BRD9: variants seen among roughly 807,000 people sequenced by gnomAD.
The protein encoded by BRD9 is bromodomain containing 9, also known as bromodomain-containing protein 9.
A neutral mutation model predicts 68.7 loss-of-function variants in BRD9; 47 were observed. The observed-to-expected ratio is 0.68, with a 90% confidence interval of 0.54 to 0.87. BRD9 has a LOEUF of 0.87. Ranked by LOEUF, BRD9 falls within the 40% of genes least tolerant of loss-of-function variation. BRD9 has a pLI of 0.00. For synonymous variants in BRD9, 313 were observed against 293.9 expected, an observed-to-expected ratio of 1.06 and a Z score of -0.67; for missense variants, 670 against 748.4, an observed-to-expected ratio of 0.90 and a Z score of 1.22.
At position 883,995 on chromosome 5, in the gene BRD9, C is replaced by T. The variant is rs1752190088; in HGVS notation, c.909G>A (p.Val303=). Residue 303 remains valine, a synonymous_variant, in exon 8 of 16, where the codon GTG becomes GTA. Coordinates refer to ENST00000467963, the MANE Select transcript of BRD9 (RefSeq NM_023924.5). ...STAEEHVLAL[V]EHAADEARDR... is the part of the protein sequence containing the mutation. ...CCCGAGCTTCGTCAGCTGCGTGCTCCACCAGCGCCAGCACGTGCTCCTCTG... is the reference window on the plus strand; with the variant it reads ...CCCGAGCTTCGTCAGCTGCGTGCTCTACCAGCGCCAGCACGTGCTCCTCTG... 6.2e-7 allele frequency: 1 copy of T among 1,613,810 alleles called. No homozygotes were observed. Among genetic ancestry groups the T allele is most frequent in the East Asian group, 2.2e-5 (1 of 44,874 alleles).
intron 8 of BRD9, chr5:883,500 G>A: frequency 2.2e-6 from 1 of 449,536 alleles, no homozygotes; most frequent in Non-Finnish European, 4.5e-6. Context: ...CCACCACAAA[G>A]ACCATCTGTG....
Position 886,683 on chromosome 5 carries a change from C to A in BRD9, c.742G>T (p.Asp248Tyr). 1 of 1,614,198 alleles carries A rather than the reference C, an allele frequency of 6.2e-7. No individual in the cohort carries two copies. The highest frequency in any genetic ancestry group is 8.5e-7 in the Non-Finnish European group (1 of 1,180,022). ...SKQAALLGNE[D>Y]TAVEEPVPEV... ...GGGACAGGTTCCTCAACAGCTGTAT[C>A]TTCATTGCCCAAAAGAGCTGCCTGC... is the stretch of plus-strand genomic sequence containing the variant. Residue 248 changes from aspartate (D) to tyrosine (Y), a missense_variant, in exon 7 of 16, where the codon GAT becomes TAT. Asp to Tyr is a radical substitution (Grantham distance 160, BLOSUM62 -3). Around this residue, in one of 5 missense-constraint regions of BRD9, gnomAD observed 135 missense variants for 141.2 expected, o/e 0.96. Coordinates refer to ENST00000467963, the MANE Select transcript of BRD9 (RefSeq NM_023924.5).
At chr5:871,483 T>G (rs55744146) in intron 13 of BRD9, 43 bp downstream of exon 13, 2,655 of 1,574,618 alleles carry the variant, frequency 1.7e-3, no homozygotes, top group Non-Finnish European at 2.1e-3. Flanking sequence ...ACTTTCCCTG[T>G]GAGAATAATA....
intron 1 of BRD9, 145 bp downstream of exon 1, chr5:892,461 C>G: frequency 7.1e-7 from 1 of 1,418,040 alleles, no homozygotes; most frequent in Non-Finnish European, 9.2e-7. Flanking sequence ...GCCCGAAATC[C>G]CAGGACCCCC....
chr5:891,249 G>A lies in BRD9; in HGVS notation c.306C>T (p.Asp102=), dbSNP rs761850859. ...CAAAGTCGTCAGCCTCTCCCTCCGT[G>A]TCACAGTGCTCCCTCTCTCGCTTCC... ...KKRKREREHC[D]TEGEADDFDP... The change falls in exon 3 of 16, where the codon GAC becomes GAT. Residue 102 remains aspartate (D), a synonymous_variant. Coordinates refer to ENST00000467963, the MANE Select transcript of BRD9 (RefSeq NM_023924.5). 6.4e-7 allele frequency: 1 copy of A among 1,551,812 alleles called. No homozygotes were observed. The highest frequency in any genetic ancestry group is 8.7e-7 in the Non-Finnish European group (1 of 1,147,028).
At chr5:891,057 C>A in intron 3 of BRD9, 98 bp downstream of exon 3, 1 of 1,411,220 alleles carries the variant, frequency 7.1e-7, no homozygotes, top group South Asian at 1.5e-5. Flanking sequence ...TCTCCTCCCT[C>A]CCATGCTTCT....
At chr5:873,158 C>CT (rs1750398342) in intron 12 of BRD9, among the ~76,000 whole-genome samples, 1 of 151,904 alleles carries the variant, frequency 6.6e-6, no homozygotes, top group South Asian at 2.1e-4. Context: ...GAGTGAGACT[C>CT]TATGTCTCAA....
chr5:892,286 G>A lies in BRD9; in HGVS notation c.52+320C>T, dbSNP rs530041260. On this transcript the variant is annotated intron_variant, in intron 1 of 15. Transcript: ENST00000467963. ...AGCAAGGGAGAGGGAGGGAAAGGCG[G>A]GAGAAAGGGCAGCCCAGCTTCTCCC... The A allele has an allele frequency of 7.8e-4, 394 of 508,216 alleles. 2 individuals are homozygous for A. The highest frequency in any genetic ancestry group is 2.7e-3 in the Middle Eastern group (5 of 1,830). The allele number at this position is 508,216 out of a possible 1,614,324, so 31.5% of individuals were successfully genotyped here.
Position 889,065 on chromosome 5 carries a change from C to T in BRD9, c.562G>A (p.Asp188Asn). ...TTGTATTCATTAGCTACAATTTTGT[C>T]TTTCATGGTGCCAAAATCCATGGGA... Reference protein sequence around the residue: ...KHPMDFGTMKDKIVANEYKSV... With the variant: ...KHPMDFGTMKNKIVANEYKSV... The change falls in exon 5 of 16, where the codon GAC (aspartate) becomes AAC (asparagine). Residue 188 changes from aspartate to asparagine, a missense_variant. This residue lies in a region of BRD9 where 94 missense variants were observed against 157.2 expected (regional missense o/e 0.60). Coordinates refer to ENST00000467963, the MANE Select transcript of BRD9 (RefSeq NM_023924.5). The T allele has an allele frequency of 6.2e-7, 1 of 1,610,526 alleles. No homozygotes were observed. The highest frequency in any genetic ancestry group is 1.1e-5 in the South Asian group (1 of 89,454).
At chr5:892,132 G>A (rs1753522961) in intron 1 of BRD9, 2 of 483,264 alleles carry the variant, frequency 4.1e-6, no homozygotes, top group South Asian at 2.5e-5. Flanking sequence ...TCAAGAAGAT[G>A]GATTAAGAGG....
At chr5:881,413 G>A (rs1419668832) in intron 8 of BRD9, 3 of 575,972 alleles carry the variant, frequency 5.2e-6, no homozygotes, top group African/African-American at 1.9e-5. Flanking sequence ...GCTATAGGGG[G>A]TACAGCTGAA....
At chr5:867,571 G>A (rs1749547963) in intron 14 of BRD9, among the ~76,000 whole-genome samples, 1 of 152,252 alleles carries the variant, frequency 6.6e-6, no homozygotes, top group African/African-American at 2.4e-5. Context: ...GGCCGTGGGA[G>A]CCCATCCCTT....
At chr5:881,509 G>A (rs1751757236) in intron 8 of BRD9, 1 of 403,682 alleles carries the variant, frequency 2.5e-6, no homozygotes, top group East Asian at 5.4e-5. Flanking sequence ...GCATGGCACT[G>A]CCCTGACGGC....
Position 892,663 on chromosome 5 carries a change from CGCCGGCGGCGGGCCCGA to C in BRD9, c.-23_-7del. ...TTCTTGTGCTTCTTGCCCATGGCGG[CGCCGGCGGCGGGCCCGA>C]GGCGGGGGCTGGGAACAGCTGGCAC... On this transcript the variant is annotated 5_prime_UTR_variant, in exon 1 of 16. Transcript: ENST00000467963. 3 of 1,414,170 alleles carry C rather than the reference CGCCGGCGGCGGGCCCGA, an allele frequency of 2.1e-6. No homozygotes were observed. The highest frequency in any genetic ancestry group is 2.8e-6 in the Non-Finnish European group (3 of 1,082,078). 87.6% of individuals were successfully genotyped at this position (1,414,170 alleles called of 1,614,324 possible). A position where few individuals can be genotyped will look rare whatever the true frequency, so the allele number is the denominator to read the frequency against.
At chr5:865,019 C>G (rs1025539073) in intron 15 of BRD9, among the ~76,000 whole-genome samples, 1 of 152,204 alleles carries the variant, frequency 6.6e-6, no homozygotes, top group African/African-American at 2.4e-5. Context: ...AAGATTCACT[C>G]TGCCGACAGA....
In BRD9 at chr5:892,793, G is replaced by T; in HGVS notation, c.-136C>A. The T allele has an allele frequency of 9.7e-7, 1 of 1,030,686 alleles. No individual in the cohort carries two copies. The highest frequency in any genetic ancestry group is 3.6e-5 in the East Asian group (1 of 27,902). The allele number at this position is 1,030,686 out of a possible 1,614,324, so 63.8% of individuals were successfully genotyped here. A position where few individuals can be genotyped will look rare whatever the true frequency, so the allele number is the denominator to read the frequency against. ...GAGGTTGCCGAGCTCGCTGGGCCGC[G>T]CCGGAAACGGGGCGAGGCGGGGCCG... is the stretch of plus-strand genomic sequence containing the variant. On this transcript the variant is annotated 5_prime_UTR_variant, in exon 1 of 16. Transcript: ENST00000467963.
intron 12 of BRD9, among the ~76,000 whole-genome samples, chr5:872,122 T>C (rs1750230074): frequency 6.6e-6 from 1 of 152,222 alleles, no homozygotes; most frequent in Admixed American, 6.5e-5. Context: ...GGCCGTGCAT[T>C]GTCTCCTTCC....
chr5:884,080 G>A lies in BRD9; in HGVS notation c.834-10C>T. 6.2e-7 allele frequency: 1 copy of A among 1,611,466 alleles called. No homozygotes were observed. ...AGGCTCAAACATGCAGCTGTGAGGTGGGGACAACCAAGTCACCTGGAGGCA... is the reference window on the plus strand; with the variant it reads ...AGGCTCAAACATGCAGCTGTGAGGTAGGGACAACCAAGTCACCTGGAGGCA... On this transcript the variant is annotated splice_polypyrimidine_tract_variant and intron_variant, in intron 7 of 15. Coordinates refer to ENST00000467963, the MANE Select transcript of BRD9 (RefSeq NM_023924.5).
At chr5:881,855 G>A (rs77849144) in intron 8 of BRD9, 5,538 of 153,026 alleles carry the variant, frequency 0.036, 313 homozygotes, top group African/African-American at 0.12. Flanking sequence ...GAGGCGGAAG[G>A]TCAGCTCAAT....
Sources: allele counts gnomAD v4.1 joint callset (sites outside exome capture counted in the v4.1 genomes callset), GRCh38; gene constraint gnomAD v4.1.1; regional missense constraint gnomAD v4.1.1; transcripts MANE v1.5; gene names NCBI Gene and HGNC (gene_info 2026-07-23, HGNC 2026-07-21).